Variants in LYPD5 observed in about 807,000 individuals in gnomAD.
LYPD5 encodes the protein ly6/PLAUR domain-containing protein 5.
A neutral mutation model predicts 19.1 loss-of-function variants in LYPD5; 21 were observed. The observed-to-expected ratio is 1.10, with a 90% CI of 0.78 to 1.58. LYPD5 has a LOEUF of 1.58. Among genes scored for constraint, LYPD5 ranks in the 40% most tolerant of loss-of-function variants. The probability of loss-of-function intolerance (pLI) is 0.00; values close to 1 mark genes in which losing one functional copy is unlikely to be tolerated. For synonymous variants in LYPD5, 128 were observed against 142.7 expected, an observed-to-expected ratio of 0.90 and a Z score of 0.74; for missense variants, 287 against 329.8, an observed-to-expected ratio of 0.87 and a Z score of 1.00.
At position 43,797,538 on chromosome 19, in the gene LYPD5, A is replaced by G. The variant is rs143959107; in HGVS notation, c.*53T>C. 1,442 of 1,356,982 alleles carry G rather than the reference A, an allele frequency of 1.1e-3. 17 individuals carry two copies. The African/African-American group carries it at 0.015, about 14-fold the overall frequency. The allele number at this position is 1,356,982 out of a possible 1,614,324, so 84.1% of individuals were successfully genotyped here. A position where few individuals can be genotyped will look rare whatever the true frequency, so the allele number is the denominator to read the frequency against. On this transcript the variant is annotated 3_prime_UTR_variant, in exon 5 of 5. Coordinates refer to ENST00000377950, the MANE Select transcript of LYPD5 (RefSeq NM_001031749.3). ...CAGTGAGCTATGTGATAGGGGCTGA[A>G]GCAGCAAGAATGAGGTGTGTGAGCC...
chr19:43,803,246 T>C (rs1970243932), upstream of LYPD5, among the ~76,000 whole-genome samples: 1 of 152,156 alleles, frequency 6.6e-6, no homozygotes, highest in Non-Finnish European at 1.5e-5. Flanking sequence ...ATTAAATGAA[T>C]GAAATCAAGA....
At chr19:43,819,685 G>A (rs1253401800) in intron 1 of LYPD5, among the ~76,000 whole-genome samples, 2 of 152,132 alleles carry the variant, frequency 1.3e-5, no homozygotes, top group African/African-American at 4.8e-5. Flanking sequence ...TAGTTTGAGG[G>A]GAGGTACACA....
At chr19:43,798,085 A>T (rs1373912810) in intron 4 of LYPD5, among the ~76,000 whole-genome samples, 1 of 124,756 alleles carries the variant, frequency 8.0e-6, no homozygotes, top group Non-Finnish European at 1.7e-5. Context: ...GACCAGGGTT[A>T]TGCCTCCTCC....
rs906621617 is a variant in LYPD5, at chr19:43,796,708, A to G, written c.*883T>C. 6 of 152,306 alleles carry G rather than the reference A, an allele frequency of 3.9e-5. No homozygotes were observed. The highest frequency in any genetic ancestry group is 1.2e-4 in the African/African-American group (5 of 41,562). 9.4% of individuals were successfully genotyped at this position (152,306 alleles called of 1,614,324 possible). A position where few individuals can be genotyped will look rare whatever the true frequency, so the allele number is the denominator to read the frequency against. On this transcript the variant is annotated 3_prime_UTR_variant, in exon 5 of 5. Coordinates refer to ENST00000377950, the MANE Select transcript of LYPD5 (RefSeq NM_001031749.3). ...GTCCCTGAATCCATACTCACTAGAT[A>G]CACAAGCTCAACCAAGTGCTTTTGC... is the stretch of plus-strand genomic sequence containing the variant.
At chr19:43,798,730 G>T in intron 3 of LYPD5, 82 bp downstream of exon 3, 2 of 1,565,208 alleles carry the variant, frequency 1.3e-6, no homozygotes, top group Non-Finnish European at 1.7e-6. Context: ...AAGAGCAGGC[G>T]CCCAGCGGAG....
intron 4 of LYPD5, 119 bp from the exon 5 acceptor site, chr19:43,797,948 C>G (rs1457803546): frequency 1.3e-6 from 1 of 788,740 alleles, no homozygotes; most frequent in Non-Finnish European, 2.0e-6. Flanking sequence ...GGTTTTCCTC[C>G]TAAGACCAGG....
intron 1 of LYPD5, among the ~76,000 whole-genome samples, chr19:43,816,290 C>T (rs1018532423): frequency 6.6e-6 from 1 of 152,190 alleles, no homozygotes; most frequent in Non-Finnish European, 1.5e-5. Flanking sequence ...TTCTGTCACT[C>T]ATTTGCATTA....
intron 1 of LYPD5, among the ~76,000 whole-genome samples, chr19:43,815,249 A>G (rs1970361015): frequency 6.6e-6 from 1 of 152,122 alleles, no homozygotes; most frequent in Admixed American, 6.6e-5. Flanking sequence ...CACGCCTGTA[A>G]TCTCAGCACT....
rs1970130251 is a variant in LYPD5 at position 43,796,412 on chromosome 19, G to C, written c.*1179C>G. ...TGTCCTGCACTCATGAAAGTGTCCT[G>C]CACTCCTTGTGCTCCTTCCTCCCTC... On this transcript the variant is annotated 3_prime_UTR_variant, in exon 5 of 5. Coordinates refer to ENST00000377950, the MANE Select transcript of LYPD5 (RefSeq NM_001031749.3). The C allele has an allele frequency of 8.7e-6, 1 of 114,362 alleles. No homozygotes were observed. Among genetic ancestry groups the C allele is most frequent in the Non-Finnish European group, 2.0e-5 (1 of 51,136 alleles). The allele number at this position is 114,362 out of a possible 1,614,324, so 7.1% of individuals were successfully genotyped here. A position where few individuals can be genotyped will look rare whatever the true frequency, so the allele number is the denominator to read the frequency against.
intron 1 of LYPD5, chr19:43,820,429 G>C (rs1011784288): frequency 1.3e-5 from 2 of 152,466 alleles, no homozygotes; most frequent in African/African-American, 4.8e-5. Flanking sequence ...CGCGGCCAGG[G>C]AGACGCCTGA....
At chr19:43,815,496 G>A (rs1970364185) in intron 1 of LYPD5, among the ~76,000 whole-genome samples, 1 of 151,744 alleles carries the variant, frequency 6.6e-6, no homozygotes, top group Non-Finnish European at 1.5e-5. Flanking sequence ...ATCTACTTGA[G>A]CCAGGGAGGT....
In LYPD5 at chr19:43,813,016, C is replaced by T. The variant is rs547474477; in HGVS notation, c.-66+7524G>A. On this transcript the variant is annotated intron_variant, in intron 1 of 4. Coordinates refer to the LYPD5 transcript ENST00000414615. Reference sequence around the variant, plus strand: ...AGGTCTGGTGTCTGAGCCCCACCTCCGGAATCAAGTCCCACCTCCGACCTC... The same window carrying T: ...AGGTCTGGTGTCTGAGCCCCACCTCTGGAATCAAGTCCCACCTCCGACCTC... Among the ~76,000 whole-genome samples, 9 of 152,264 alleles carry T rather than the reference C, an allele frequency of 5.9e-5. No homozygotes were observed. The East Asian group carries it at 7.7e-4, about 13-fold the overall frequency.
At chr19:43,807,672 G>C (rs1268741319) in intron 1 of LYPD5, among the ~76,000 whole-genome samples, 1 of 152,244 alleles carries the variant, frequency 6.6e-6, no homozygotes, top group Non-Finnish European at 1.5e-5. Context: ...GTGAGGCTGA[G>C]ATTAGCATGC....
chr19:43,816,894 T>C (rs1970380015), intron 1 of LYPD5, among the ~76,000 whole-genome samples: 1 of 152,224 alleles, frequency 6.6e-6, no homozygotes, highest in Non-Finnish European at 1.5e-5. Context: ...TTGGCTCTCA[T>C]TCTCTTTGCT....
intron 1 of LYPD5, among the ~76,000 whole-genome samples, chr19:43,807,503 C>T (rs1383176403): frequency 1.3e-5 from 2 of 151,970 alleles, no homozygotes; most frequent in African/African-American, 2.4e-5. Context: ...AGGCTGGTCT[C>T]GAACTCCTGA....
At chr19:43,798,721 A>T in intron 3 of LYPD5, 91 bp downstream of exon 3, 11 of 1,569,766 alleles carry the variant, frequency 7.0e-6, no homozygotes, top group Non-Finnish European at 9.5e-6. Flanking sequence ...TAGCGCGCCA[A>T]GAGCAGGCGC....
At chr19:43,807,311 G>A (rs1029031688), upstream of LYPD5, among the ~76,000 whole-genome samples, 31 of 137,040 alleles carry the variant, frequency 2.3e-4, no homozygotes, top group African/African-American at 5.8e-4. Context: ...GCAGAGTTTC[G>A]CTCTTGTTAC....
At chr19:43,812,710 C>G (rs1054172552) in intron 1 of LYPD5, among the ~76,000 whole-genome samples, 3 of 152,214 alleles carry the variant, frequency 2.0e-5, no homozygotes, top group Admixed American at 1.3e-4. Flanking sequence ...TTTTTACCCA[C>G]AAGGAAATCG....
At chr19:43,800,843 C>T (rs1419195397) in intron 1 of LYPD5, among the ~76,000 whole-genome samples, 1 of 151,856 alleles carries the variant, frequency 6.6e-6, no homozygotes, top group Non-Finnish European at 1.5e-5. Context: ...CGCCTGTGGT[C>T]CCAGCTACTC....
Sources: gnomAD v4.1 joint callset for allele counts (sites outside exome capture counted in the v4.1 genomes callset) on GRCh38, gnomAD v4.1.1 for gene constraint, MANE v1.5 for transcripts, NCBI Gene and HGNC (gene_info 2026-07-23, HGNC 2026-07-21) for gene names.